The following SRGAP1 variants were observed in gnomAD, a reference collection of about 807,000 sequenced individuals.
The protein encoded by SRGAP1 is SLIT-ROBO Rho GTPase activating protein 1, also known as SLIT-ROBO Rho GTPase-activating protein 1.
A neutral mutation model predicts 121.9 loss-of-function variants in SRGAP1; 43 were observed. The observed-to-expected ratio is 0.35, with a 90% CI of 0.28 to 0.46. The LOEUF (loss-of-function observed/expected upper bound fraction) is 0.46. Ranked by LOEUF, SRGAP1 falls within the 20% of genes least tolerant of loss-of-function variation. SRGAP1 has a pLI of 1.00. For synonymous variants in SRGAP1, 447 were observed against 485.4 expected (o/e 0.92, Z 1.04); for missense variants, 1,102 against 1,350.9 (o/e 0.82, Z 2.89).
Position 64,142,340 on chromosome 12 carries a change from C to G in SRGAP1, c.2926C>G (p.Leu976Val). The G allele has an allele frequency of 6.2e-7, 1 of 1,614,072 alleles. No individual in the cohort carries two copies. Among genetic ancestry groups the G allele is most frequent in the Non-Finnish European group, 8.5e-7 (1 of 1,180,012 alleles). Residue 976 changes from leucine (L) to valine (V), a missense_variant, in exon 22 of 22, where the codon CTG becomes GTG. Coordinates refer to ENST00000355086, the MANE Select transcript of SRGAP1 (RefSeq NM_020762.4). ...CACAGCTTTGAATGAACTCCGAGAA[C>G]TGGAGAGACAGAGCACAGCAAAGCA... ...MNTALNELRE[L>V]ERQSTAKHAP...
At chr12:64,102,262 A>G (rs1305330726) in intron 15 of SRGAP1, among the ~76,000 whole-genome samples, 1 of 152,228 alleles carries the variant, frequency 6.6e-6, no homozygotes, top group Admixed American at 6.5e-5. Context: ...ATGTTATGCA[A>G]TTAACATGTT....
At chr12:64,140,728 T>TC (rs1448275878) in intron 21 of SRGAP1, among the ~76,000 whole-genome samples, 4 of 129,140 alleles carry the variant, frequency 3.1e-5, no homozygotes, top group Admixed American at 2.4e-4. Flanking sequence ...TCCTCAGGGA[T>TC]CTAGAACTGG....
chr12:63,890,014 T>C (rs972902250), intron 1 of SRGAP1, among the ~76,000 whole-genome samples: 2 of 152,226 alleles, frequency 1.3e-5, no homozygotes, highest in Non-Finnish European at 2.9e-5. Context: ...ATGTCGTTTC[T>C]TCCTAACTGG....
At chr12:64,114,046 T>A (rs2036476872) in intron 17 of SRGAP1, among the ~76,000 whole-genome samples, 2 of 152,122 alleles carry the variant, frequency 1.3e-5, no homozygotes, top group Admixed American at 1.3e-4. Context: ...TTAACTTGAA[T>A]CATAGTATGG....
At chr12:63,991,687 T>G (rs1212189099) in intron 3 of SRGAP1, among the ~76,000 whole-genome samples, 1 of 152,148 alleles carries the variant, frequency 6.6e-6, no homozygotes, top group African/African-American at 2.4e-5. Context: ...CGATGACAGG[T>G]GCTGAAAAGG....
At chr12:63,895,712 C>G (rs1282473108) in intron 1 of SRGAP1, among the ~76,000 whole-genome samples, 1 of 152,266 alleles carries the variant, frequency 6.6e-6, no homozygotes, top group African/African-American at 2.4e-5. Flanking sequence ...CTACAATGTC[C>G]GTAAAATGCT....
chr12:63,913,641 T>C (rs1565948011), intron 1 of SRGAP1, among the ~76,000 whole-genome samples: 1 of 151,274 alleles, frequency 6.6e-6, no homozygotes, highest in African/African-American at 2.4e-5. Flanking sequence ...ATGGATCACT[T>C]CCTCCTATGT....
At chr12:63,874,819 A>G (rs1302983819) in intron 1 of SRGAP1, among the ~76,000 whole-genome samples, 3 of 152,166 alleles carry the variant, frequency 2.0e-5, no homozygotes, top group African/African-American at 4.8e-5. Flanking sequence ...TTTATTATAT[A>G]TAAAATATTT....
chr12:64,079,083 C>T lies in SRGAP1; in HGVS notation c.1290C>T (p.Ala430=). ...AACCCAGCATCGCCAAGAGAAGAGC[C>T]AACCAGCAGGAAACTGAACAGTTCT... The part of the protein sequence containing the change: ...LSKPSIAKRR[A]NQQETEQFYF... The change falls in exon 9 of 22, where the codon GCC becomes GCT. Residue 430 remains alanine, a synonymous_variant. Transcript: ENST00000355086. 6.2e-7 allele frequency: 1 copy of T among 1,613,908 alleles called. No homozygotes were observed. The highest frequency in any genetic ancestry group is 1.3e-5 in the African/African-American group (1 of 75,010).
chr12:64,043,410 G>T (rs758325074), intron 5 of SRGAP1, 37 bp from the exon 6 acceptor site: 2 of 1,587,852 alleles, frequency 1.3e-6, no homozygotes, highest in Non-Finnish European at 1.7e-6. Context: ...AAATGACTTT[G>T]CATTCTTTCC....
chr12:63,869,182 T>C (rs1899765256), intron 1 of SRGAP1, among the ~76,000 whole-genome samples: 1 of 152,200 alleles, frequency 6.6e-6, no homozygotes, highest in Non-Finnish European at 1.5e-5. Flanking sequence ...ACAGTTCTGG[T>C]TGCTGGGAAG....
chr12:63,868,056 ATTTTTTTTTTTTT>A (rs1219689164), intron 1 of SRGAP1, among the ~76,000 whole-genome samples: 3 of 57,844 alleles, frequency 5.2e-5, no homozygotes, highest in East Asian at 9.2e-4. Context: ...ATATATATAT[ATTTTTTTTTTTTT>A]TTTTTTTTTG....
chr12:64,138,659 T>C (rs965439880), intron 21 of SRGAP1, among the ~76,000 whole-genome samples: 2 of 151,560 alleles, frequency 1.3e-5, no homozygotes, highest in South Asian at 2.1e-4. Context: ...TGAAAAAATA[T>C]ATATAAATCT....
chr12:63,892,764 G>A (rs1297175338), intron 1 of SRGAP1, among the ~76,000 whole-genome samples: 1 of 152,156 alleles, frequency 6.6e-6, no homozygotes, highest in Non-Finnish European at 1.5e-5. Context: ...TTGAGGAGAT[G>A]CATGCTTTTT....
intron 1 of SRGAP1, among the ~76,000 whole-genome samples, chr12:63,868,047 TATATATA>T (rs1565927547): frequency 1.2e-4 from 4 of 34,762 alleles, no homozygotes; most frequent in Admixed American, 6.9e-4. Context: ...TATATATATA[TATATATA>T]TATTTTTTTT....
At chr12:64,010,418 A>T (rs749619755) in intron 3 of SRGAP1, among the ~76,000 whole-genome samples, 6 of 152,176 alleles carry the variant, frequency 3.9e-5, no homozygotes, top group Admixed American at 6.5e-5. Context: ...AAGACTGGAT[A>T]GGGTAAGGAA....
intron 1 of SRGAP1, among the ~76,000 whole-genome samples, chr12:63,874,577 A>G (rs1328179447): frequency 6.6e-6 from 1 of 152,176 alleles, no homozygotes; most frequent in Admixed American, 6.5e-5. Flanking sequence ...GAAAAATATG[A>G]TTAATAAAAT....
chr12:64,087,780 A>G (rs1403267305), intron 11 of SRGAP1, among the ~76,000 whole-genome samples: 1 of 152,130 alleles, frequency 6.6e-6, no homozygotes, highest in African/African-American at 2.4e-5. Flanking sequence ...GCTATATTGA[A>G]TATCTTTAGG....
rs1422256650 is a variant in SRGAP1, at chr12:64,161,176, C to A, written c.*18504C>A. ...GTACATAAGTAGATAAAAATTAATT[C>A]ATTCTCAAAATCTTCCACAGAAATG... On this transcript the variant is annotated 3_prime_UTR_variant, in exon 22 of 22. Transcript: ENST00000355086. 1.3e-5 allele frequency: 2 copies of A among 152,174 alleles called. No homozygotes were observed. The highest frequency in any genetic ancestry group is 2.9e-5 in the Non-Finnish European group (2 of 68,022). 9.4% of individuals were successfully genotyped at this position (152,174 alleles called of 1,614,324 possible).
Sources: allele counts gnomAD v4.1 joint callset (sites outside exome capture counted in the v4.1 genomes callset), GRCh38; gene constraint gnomAD v4.1.1; transcripts MANE v1.5; gene names NCBI Gene and HGNC (gene_info 2026-07-23, HGNC 2026-07-21).